SLC6A3: variants seen among roughly 807,000 people sequenced by gnomAD.
The protein encoded by SLC6A3 is solute carrier family 6 member 3.
SLC6A3 carries 19 observed loss-of-function variants against 70.4 expected under a neutral mutation model. That is an observed-to-expected ratio of 0.27 (90% CI 0.19 to 0.40). The LOEUF (loss-of-function observed/expected upper bound fraction) is 0.40, where lower values mean the gene tolerates loss of function less well. Ranked by LOEUF, SLC6A3 falls within the 10% of genes least tolerant of loss-of-function variation. The pLI is 1.00. For synonymous variants in SLC6A3, 368 were observed against 356.6 expected (o/e 1.03, Z -0.36); for missense variants, 613 against 838.5 (o/e 0.73, Z 3.32).
At chr5:1,434,262 C>T (rs557871224) in intron 3 of SLC6A3, among the ~76,000 whole-genome samples, 1 of 152,350 alleles carries the variant, frequency 6.6e-6, no homozygotes, top group Non-Finnish European at 1.5e-5. Flanking sequence ...CCTTGGGCCA[C>T]CCAGAGCCTT....
At chr5:1,416,563 C>CG in intron 6 of SLC6A3, 1 of 336,050 alleles carries the variant, frequency 3.0e-6, no homozygotes. Flanking sequence ...ACCCTCGGAA[C>CG]AGCACGGCCT....
At chr5:1,441,580 C>T in intron 2 of SLC6A3, 90 bp from the exon 3 acceptor site, 1 of 1,479,424 alleles carries the variant, frequency 6.8e-7, no homozygotes, top group Non-Finnish European at 9.2e-7. Flanking sequence ...AGTCAACCAT[C>T]CATGTCCTGG....
intron 12 of SLC6A3, among the ~76,000 whole-genome samples, chr5:1,403,325 A>G (rs933123059): frequency 5.6e-4 from 10 of 17,920 alleles, no homozygotes; most frequent in Non-Finnish European, 1.0e-3. Context: ...CTCCCCTCCC[A>G]TCCCATCCTG....
At position 1,401,564 on chromosome 5, in the gene SLC6A3, A is replaced by T. The variant is rs1238012348; in HGVS notation, c.1768-578T>A. Among the ~76,000 whole-genome samples, 3 of 152,002 alleles carry T rather than the reference A, an allele frequency of 2.0e-5. No individual in the cohort carries two copies. Among genetic ancestry groups the T allele is most frequent in the African/African-American group, 7.3e-5 (3 of 41,364 alleles). On this transcript the variant is annotated intron_variant, in intron 13 of 14. Coordinates refer to ENST00000270349, the MANE Select transcript of SLC6A3 (RefSeq NM_001044.5). This position sits in a 1 kb window ranked among gnomAD's most constrained non-coding sequence, Gnocchi z 6.1. The stretch of plus-strand genomic sequence containing the variant: ...CTCGGGCCTGGATGCCTGTATCTGG[A>T]TCTCTGAGGCCAGGTGACCTCTCAC...
chr5:1,406,293 G>A lies in SLC6A3; in HGVS notation c.1499-5C>T. ...CGTCGCTGAACTGCCCAACACCTGA[G>A]GGAGAAGAGGTGGCATCAGTGTCCA... On this transcript the variant is annotated splice_polypyrimidine_tract_variant and splice_region_variant and intron_variant, in intron 11 of 14. Transcript: ENST00000270349. The surrounding 1 kb of genome is among the most constrained non-coding windows in gnomAD (Gnocchi z 8.8). 6.2e-7 allele frequency: 1 copy of A among 1,611,076 alleles called. No individual in the cohort carries two copies. Among genetic ancestry groups the A allele is most frequent in the Non-Finnish European group, 8.5e-7 (1 of 1,178,284 alleles).
intron 2 of SLC6A3, among the ~76,000 whole-genome samples, chr5:1,441,812 G>A (rs1733676360): frequency 6.6e-6 from 1 of 151,964 alleles, no homozygotes; most frequent in Non-Finnish European, 1.5e-5. Flanking sequence ...GGTTCGGGGT[G>A]CCCTTCCCTG....
intron 6 of SLC6A3, chr5:1,416,679 G>A (rs575760136): frequency 1.4e-5 from 4 of 281,824 alleles, no homozygotes; most frequent in East Asian, 8.7e-5. Flanking sequence ...AGAACAGCAC[G>A]GACTCATCCA....
chr5:1,412,778 AAAT>A (rs1235505431), intron 8 of SLC6A3, among the ~76,000 whole-genome samples: 4 of 152,192 alleles, frequency 2.6e-5, no homozygotes, highest in Non-Finnish European at 5.9e-5. Context: ...CTGGCCTTTT[AAAT>A]AATCAAAGGC....
chr5:1,405,268 C>T lies in SLC6A3; in HGVS notation c.1599+920G>A, dbSNP rs769046423. Among the ~76,000 whole-genome samples the T allele has an allele frequency of 6.6e-6, 1 of 152,220 alleles. No individual in the cohort carries two copies. Among genetic ancestry groups the T allele is most frequent in the Non-Finnish European group, 1.5e-5 (1 of 68,040 alleles). On this transcript the variant is annotated intron_variant, in intron 12 of 14. Coordinates refer to ENST00000270349, the MANE Select transcript of SLC6A3 (RefSeq NM_001044.5). The surrounding 1 kb of genome is among the most constrained non-coding windows in gnomAD (Gnocchi z 5.3). ...CTCCTCCGGGATAGGGCCTGTCTCT[C>T]ATCTCTTTCCTGTACCCCGGAACCC...
chr5:1,398,649 T>A (rs1755776670), intron 14 of SLC6A3, among the ~76,000 whole-genome samples: 1 of 152,196 alleles, frequency 6.6e-6, no homozygotes, highest in Admixed American at 6.5e-5. Context: ...TACTGCAAAG[T>A]TGAAAGTTAA....
At chr5:1,398,045 A>G (rs906279905) in intron 14 of SLC6A3, among the ~76,000 whole-genome samples, 7 of 152,330 alleles carry the variant, frequency 4.6e-5, no homozygotes, top group African/African-American at 1.7e-4. Flanking sequence ...TGTATGGTAC[A>G]ACCTCAAGAG....
intron 6 of SLC6A3, among the ~76,000 whole-genome samples, chr5:1,420,274 C>G (rs978909243): frequency 5.3e-5 from 8 of 152,204 alleles, no homozygotes; most frequent in Non-Finnish European, 4.4e-5. Context: ...GGGTCCCATC[C>G]CCCATGGCCC....
rs757617166 is a variant in SLC6A3, at chr5:1,416,147, C to T, written c.982G>A (p.Val328Met). Residue 328 changes from valine (V) to methionine (M), a missense_variant, in exon 7 of 15, where the codon GTG becomes ATG. Val to Met is a conservative substitution (Grantham distance 21). This residue lies in a region of SLC6A3 where 348 missense variants were observed against 481.2 expected (regional missense o/e 0.72). Transcript: ENST00000270349. ...VCFSLGVGFG[V>M]LIAFSSYNKF... ...TTGTAGCTGGAGAAGGCGATCAGCACCCCGAACCCCACGCCCAGGGAGAAG... is the reference window on the plus strand; with the variant it reads ...TTGTAGCTGGAGAAGGCGATCAGCATCCCGAACCCCACGCCCAGGGAGAAG... 6.2e-7 allele frequency: 1 copy of T among 1,614,030 alleles called. No homozygotes were observed. Among genetic ancestry groups the T allele is most frequent in the Non-Finnish European group, 8.5e-7 (1 of 1,180,004 alleles).
At chr5:1,417,651 C>T (rs115400522) in intron 6 of SLC6A3, among the ~76,000 whole-genome samples, 22 of 152,356 alleles carry the variant, frequency 1.4e-4, no homozygotes, top group African/African-American at 3.8e-4. Flanking sequence ...GAGGGCACTG[C>T]GGAGACCATT....
Position 1,405,443 on chromosome 5 carries a change from T to G in SLC6A3, c.1599+745A>C, listed in dbSNP as rs1177614192. 6.6e-6 allele frequency among the ~76,000 whole-genome samples: 1 copy of G among 152,182 alleles called. No homozygotes were observed. Among genetic ancestry groups the G allele is most frequent in the Non-Finnish European group, 1.5e-5 (1 of 68,032 alleles). ...CTGCCCTGTTCCAGTCCCCACCTCGTGCCTGCTGGACTCGGGAGGTGCTTC... is the reference window on the plus strand; with the variant it reads ...CTGCCCTGTTCCAGTCCCCACCTCGGGCCTGCTGGACTCGGGAGGTGCTTC... On this transcript the variant is annotated intron_variant, in intron 12 of 14. Coordinates refer to ENST00000270349, the MANE Select transcript of SLC6A3 (RefSeq NM_001044.5). The surrounding 1 kb of genome is among the most constrained non-coding windows in gnomAD (Gnocchi z 5.3).
chr5:1,421,537 A>G lies in SLC6A3; in HGVS notation c.792+339T>C, dbSNP rs1756435451. Among the ~76,000 whole-genome samples the G allele has an allele frequency of 6.6e-6, 1 of 152,078 alleles. No individual in the cohort carries two copies. Among genetic ancestry groups the G allele is most frequent in the South Asian group, 2.1e-4 (1 of 4,816 alleles). The stretch of plus-strand genomic sequence containing the variant: ...CTGAGGCCCTTCCCCAAACACAGCC[A>G]CACGTGGACCCAAAACCCAACTGTG... On this transcript the variant is annotated intron_variant, in intron 5 of 14. Transcript: ENST00000270349. This position sits in a 1 kb window ranked among gnomAD's most constrained non-coding sequence, Gnocchi z 7.2.
chr5:1,405,326 C>A lies in SLC6A3; in HGVS notation c.1599+862G>T, dbSNP rs1273179891. On this transcript the variant is annotated intron_variant, in intron 12 of 14. Coordinates refer to ENST00000270349, the MANE Select transcript of SLC6A3 (RefSeq NM_001044.5). This position sits in a 1 kb window ranked among gnomAD's most constrained non-coding sequence, Gnocchi z 5.3. ...GGCAACTACGGGGCTGTCCCACCTGCTGTGTGCAGGTGACGAGGGGTCTCC... is the reference window on the plus strand; with the variant it reads ...GGCAACTACGGGGCTGTCCCACCTGATGTGTGCAGGTGACGAGGGGTCTCC... Among the ~76,000 whole-genome samples, 1 of 152,232 alleles carries A rather than the reference C, an allele frequency of 6.6e-6. No homozygotes were observed. The highest frequency in any genetic ancestry group is 1.5e-5 in the Non-Finnish European group (1 of 68,038).
At chr5:1,420,457 AC>A in intron 6 of SLC6A3, 111 bp downstream of exon 6, 2 of 1,287,656 alleles carry the variant, frequency 1.6e-6, no homozygotes, top group Non-Finnish European at 1.1e-6. Flanking sequence ...CGAGGAAAGA[AC>A]CCTGGTGTCT....
At chr5:1,419,993 C>G (rs375874600) in intron 6 of SLC6A3, among the ~76,000 whole-genome samples, 1 of 152,208 alleles carries the variant, frequency 6.6e-6, no homozygotes, top group South Asian at 2.1e-4. Flanking sequence ...ACCGGCCCAC[C>G]CACACAGGGC....
Sources: gnomAD v4.1 joint callset for allele counts (sites outside exome capture counted in the v4.1 genomes callset) on GRCh38, gnomAD v4.1.1 for gene constraint, gnomAD v4.1.1 regional missense constraint, Gnocchi (gnomAD v3.1) non-coding constraint, MANE v1.5 for transcripts, NCBI Gene and HGNC (gene_info 2026-07-23, HGNC 2026-07-21) for gene names.